The following OSBPL10 variants were observed in gnomAD, a reference collection of about 807,000 sequenced individuals.
The protein encoded by OSBPL10 is oxysterol-binding protein-related protein 10.
Under a neutral mutation model 81.7 loss-of-function variants are expected in OSBPL10, and 49 were observed. That is an observed-to-expected ratio of 0.60 (90% CI 0.48 to 0.76). OSBPL10 has a LOEUF of 0.76. OSBPL10 is among the 30% of genes least tolerant of loss of function. The probability of loss-of-function intolerance (pLI) is 0.00; values close to 1 mark genes in which losing one functional copy is unlikely to be tolerated. For synonymous variants in OSBPL10, 419 were observed against 383.6 expected, an observed-to-expected ratio of 1.09 and a Z score of -1.08; for missense variants, 923 against 987.8, an observed-to-expected ratio of 0.93 and a Z score of 0.88.
At chr3:31,936,701 A>T (rs1697387148) in intron 1 of OSBPL10, among the ~76,000 whole-genome samples, 1 of 152,220 alleles carries the variant, frequency 6.6e-6, no homozygotes, top group African/African-American at 2.4e-5. Flanking sequence ...AAGAAAAAAA[A>T]ATTAAATAGG....
At chr3:32,026,286 G>C (rs1040611905) in intron 2 of OSBPL10, among the ~76,000 whole-genome samples, 2 of 152,016 alleles carry the variant, frequency 1.3e-5, no homozygotes, top group Non-Finnish European at 2.9e-5. Flanking sequence ...ACAGACATGA[G>C]CCACCATGCC....
chr3:31,742,989 A>G (rs1200886576), intron 5 of OSBPL10, among the ~76,000 whole-genome samples: 4 of 151,560 alleles, frequency 2.6e-5, no homozygotes, highest in Non-Finnish European at 5.9e-5. Context: ...AGTAATGGTA[A>G]AAGAGCTGCA....
chr3:31,733,355 C>T lies in OSBPL10; in HGVS notation c.997G>A (p.Gly333Arg). ...KSHSTEQLKN[G>R]TLGSLPSASA... The stretch of plus-strand genomic sequence containing the variant: ...GCTGATGGCAAAGAGCCAAGTGTCC[C>T]ATTTTTCAGCTGCTCTGTGGAATGT... The change falls in exon 6 of 12, where the codon GGG (glycine) becomes AGG (arginine). Residue 333 changes from glycine to arginine, a missense_variant. By Grantham distance (125) the Gly-to-Arg change is moderately radical. Around this residue, in one of 3 missense-constraint regions of OSBPL10, gnomAD observed 514 missense variants for 508.0 expected, o/e 1.01. Transcript: ENST00000396556. 5.0e-6 allele frequency: 8 copies of T among 1,613,994 alleles called. No homozygotes were observed. The highest frequency in any genetic ancestry group is 6.8e-6 in the Non-Finnish European group (8 of 1,179,984).
chr3:31,965,745 TAATA>T (rs1325890880), intron 1 of OSBPL10, among the ~76,000 whole-genome samples: 2 of 69,138 alleles, frequency 2.9e-5, no homozygotes, highest in African/African-American at 1.3e-4. Flanking sequence ...TCTATTTATA[TAATA>T]TATATTATAT....
intron 8 of OSBPL10, among the ~76,000 whole-genome samples, chr3:31,682,832 T>A (rs533250606): frequency 1.3e-5 from 2 of 152,298 alleles, no homozygotes; most frequent in South Asian, 4.1e-4. Context: ...ATGCCAAGCA[T>A]CTAGTAGGTG....
intron 2 of OSBPL10, among the ~76,000 whole-genome samples, chr3:32,043,167 AGGAAT>A (rs1469725029): frequency 6.6e-6 from 1 of 152,108 alleles, no homozygotes; most frequent in Non-Finnish European, 1.5e-5. Flanking sequence ...ACCTCCCCCA[AGGAAT>A]GCATTCCTTC....
chr3:32,005,884 C>T (rs1699201341), intron 2 of OSBPL10, among the ~76,000 whole-genome samples: 1 of 151,932 alleles, frequency 6.6e-6, no homozygotes, highest in Non-Finnish European at 1.5e-5. Context: ...CCGTGCCCAG[C>T]CCAATGTTTT....
chr3:31,907,800 G>A (rs2125687717), intron 1 of OSBPL10, among the ~76,000 whole-genome samples: 1 of 152,170 alleles, frequency 6.6e-6, no homozygotes, highest in Admixed American at 6.5e-5. Flanking sequence ...TCCTCTAGAT[G>A]TTGGGAATAG....
At chr3:31,812,220 C>T (rs138939732) in intron 4 of OSBPL10, among the ~76,000 whole-genome samples, 21 of 151,862 alleles carry the variant, frequency 1.4e-4, no homozygotes, top group African/African-American at 3.6e-4. Context: ...TTAGTAGTGA[C>T]GGGATTTTGC....
chr3:31,901,490 A>G (rs1487925239), intron 1 of OSBPL10, among the ~76,000 whole-genome samples: 1 of 152,236 alleles, frequency 6.6e-6, no homozygotes, highest in East Asian at 1.9e-4. Context: ...TGGTCTGGCT[A>G]CTTCTTACTT....
At chr3:31,804,349 G>A (rs1699472127) in intron 4 of OSBPL10, among the ~76,000 whole-genome samples, 1 of 152,122 alleles carries the variant, frequency 6.6e-6, no homozygotes, top group Admixed American at 6.5e-5. Flanking sequence ...GAAAAACGAG[G>A]CAAGGAGAGG....
At chr3:31,942,014 C>T (rs1205106517) in intron 1 of OSBPL10, among the ~76,000 whole-genome samples, 1 of 152,132 alleles carries the variant, frequency 6.6e-6, no homozygotes, top group African/African-American at 2.4e-5. Context: ...GTGGCTCACG[C>T]CTGTAATCCC....
At chr3:31,673,234 T>TA (rs746722124) in intron 8 of OSBPL10, among the ~76,000 whole-genome samples, 1 of 152,196 alleles carries the variant, frequency 6.6e-6, no homozygotes, top group East Asian at 1.9e-4. Context: ...TCAATCCTGA[T>TA]AGTTTCTGAT....
At chr3:31,944,570 T>C (rs1229223923) in intron 1 of OSBPL10, among the ~76,000 whole-genome samples, 2 of 152,028 alleles carry the variant, frequency 1.3e-5, no homozygotes, top group East Asian at 3.9e-4. Context: ...CTGATAGCTG[T>C]CCCCATCCCT....
chr3:31,669,845 T>G (rs1225876441), intron 9 of OSBPL10, among the ~76,000 whole-genome samples: 1 of 152,196 alleles, frequency 6.6e-6, no homozygotes, highest in African/African-American at 2.4e-5. Context: ...ACTGGGAGGC[T>G]TTCTCCTTGA....
intron 1 of OSBPL10, among the ~76,000 whole-genome samples, chr3:31,972,726 A>G (rs1235181051): frequency 6.6e-6 from 1 of 152,176 alleles, no homozygotes. Flanking sequence ...TACTTAAAAC[A>G]TCCTGGAAAA....
At chr3:31,771,381 T>C (rs952165661) in intron 4 of OSBPL10, among the ~76,000 whole-genome samples, 4 of 152,146 alleles carry the variant, frequency 2.6e-5, no homozygotes, top group African/African-American at 9.7e-5. Context: ...TAAAAGCTGA[T>C]AGAGCCAGTG....
At chr3:31,717,759 T>C (rs1165505829) in intron 6 of OSBPL10, among the ~76,000 whole-genome samples, 1 of 152,202 alleles carries the variant, frequency 6.6e-6, no homozygotes, top group African/African-American at 2.4e-5. Flanking sequence ...TGTAAGAGGG[T>C]AATTGCAGCA....
intron 1 of OSBPL10, among the ~76,000 whole-genome samples, chr3:31,894,030 C>T (rs942328910): frequency 3.9e-5 from 6 of 152,086 alleles, no homozygotes; most frequent in African/African-American, 1.4e-4. Context: ...TACCTTAATA[C>T]AAGTGATATC....
Sources: gnomAD v4.1 joint callset for allele counts (sites outside exome capture counted in the v4.1 genomes callset) on GRCh38, gnomAD v4.1.1 for gene constraint, gnomAD v4.1.1 regional missense constraint, MANE v1.5 for transcripts, NCBI Gene and HGNC (gene_info 2026-07-23, HGNC 2026-07-21) for gene names.